The following STK17B variants were observed in gnomAD, a reference collection of about 807,000 sequenced individuals.
STK17B encodes the protein serine/threonine-protein kinase 17B.
A neutral mutation model predicts 42.0 loss-of-function variants in STK17B; 21 were observed. The observed-to-expected ratio is 0.50, with a 90% confidence interval of 0.35 to 0.72. The LOEUF is 0.72. Ranked by LOEUF, STK17B falls within the 30% of genes least tolerant of loss-of-function variation. STK17B has a pLI of 0.00. For synonymous variants in STK17B, 143 were observed against 148.4 expected, an observed-to-expected ratio of 0.96 and a Z score of 0.26; for missense variants, 349 against 446.0, an observed-to-expected ratio of 0.78 and a Z score of 1.96.
rs571438990 is a variant in STK17B at position 196,169,068 on chromosome 2, A to ATTTTTTTTTT, written c.-45+2255_-45+2264dup. Among the ~76,000 whole-genome samples the ATTTTTTTTTT allele has an allele frequency of 1.8e-5, 2 of 112,686 alleles. 1 individual carries two copies. The highest frequency in any genetic ancestry group is 6.7e-5 in the African/African-American group (2 of 29,732). 73.9% of individuals were successfully genotyped at this position (112,686 alleles called of 152,430 possible). ...TAAAAGTAGTAAGCCTAGGAATACT[A>ATTTTTTTTTT]TTTTTTTTTTTTTTTTTTTTTTTTT... On this transcript the variant is annotated intron_variant, in intron 1 of 7. Coordinates refer to ENST00000263955, the MANE Select transcript of STK17B (RefSeq NM_004226.4).
intron 3 of STK17B, among the ~76,000 whole-genome samples, chr2:196,148,735 GATT>G (rs1289939096): frequency 6.6e-6 from 1 of 152,120 alleles, no homozygotes; most frequent in African/African-American, 2.4e-5. Flanking sequence ...AATACTTTAT[GATT>G]ATTTACCAAC....
At chr2:196,175,352 G>A (rs1279222027), upstream of STK17B, among the ~76,000 whole-genome samples, 3 of 152,212 alleles carry the variant, frequency 2.0e-5, no homozygotes, top group Admixed American at 6.5e-5. Flanking sequence ...CACGCCAGGT[G>A]TGGTGGCTCA....
chr2:196,145,807 C>A, intron 4 of STK17B, 104 bp downstream of exon 4: 1 of 1,226,484 alleles, frequency 8.2e-7, no homozygotes, highest in Non-Finnish European at 1.1e-6. Flanking sequence ...TCTAGAAGAC[C>A]AGGAACCAAC....
At chr2:196,149,851 G>T (rs1057454452) in intron 3 of STK17B, among the ~76,000 whole-genome samples, 10 of 152,080 alleles carry the variant, frequency 6.6e-5, no homozygotes, top group Non-Finnish European at 1.2e-4. Flanking sequence ...TATAATCAGG[G>T]AAAGTATCCT....
In STK17B at chr2:196,136,072, GAAGTTA is replaced by G. The variant is rs1207536309; in HGVS notation, c.*1369_*1374del. The G allele has an allele frequency of 6.6e-6, 1 of 152,142 alleles. No individual in the cohort carries two copies. Among genetic ancestry groups the G allele is most frequent in the Non-Finnish European group, 1.5e-5 (1 of 68,030 alleles). 9.4% of individuals were successfully genotyped at this position (152,142 alleles called of 1,614,324 possible). A position where few individuals can be genotyped will look rare whatever the true frequency, so the allele number is the denominator to read the frequency against. On this transcript the variant is annotated 3_prime_UTR_variant, in exon 8 of 8. Transcript: ENST00000263955. ...ATTTGGAAACTTACCAAAATTTTGA[GAAGTTA>G]AAGGTCTAAAGGGGGAACATCAGGT...
Position 196,171,562 on chromosome 2 carries a change from G to C in STK17B, c.-274C>G, listed in dbSNP as rs1176429640. 1 of 152,262 alleles carries C rather than the reference G, an allele frequency of 6.6e-6. No individual in the cohort carries two copies. Among genetic ancestry groups the C allele is most frequent in the Non-Finnish European group, 1.5e-5 (1 of 68,068 alleles). The allele number at this position is 152,262 out of a possible 1,614,324, so 9.4% of individuals were successfully genotyped here. A position where few individuals can be genotyped will look rare whatever the true frequency, so the allele number is the denominator to read the frequency against. ...GACAGCAGCGGAGAGGACTACCGAA[G>C]CTTGCAGTCGCGGTTTGAAAACTGC... On this transcript the variant is annotated 5_prime_UTR_variant, in exon 1 of 8. Coordinates refer to ENST00000263955, the MANE Select transcript of STK17B (RefSeq NM_004226.4).
intron 4 of STK17B, 27 bp from the exon 5 acceptor site, chr2:196,143,713 T>C (rs755232581): frequency 2.0e-6 from 3 of 1,481,536 alleles, no homozygotes; most frequent in Non-Finnish European, 2.7e-6. Context: ...AAAAACATGA[T>C]AAGTAATATA....
intron 5 of STK17B, among the ~76,000 whole-genome samples, chr2:196,141,919 T>TA (rs71009078): frequency 3.0e-4 from 46 of 151,566 alleles, no homozygotes; most frequent in East Asian, 1.2e-3. Context: ...AGCTAGAATT[T>TA]AAAAAAAAAA....
intron 3 of STK17B, among the ~76,000 whole-genome samples, chr2:196,150,939 T>C (rs571006694): frequency 6.6e-6 from 1 of 152,342 alleles, no homozygotes; most frequent in Admixed American, 6.5e-5. Flanking sequence ...TCACAGTGCC[T>C]GCCAGAGTGT....
chr2:196,151,231 T>G (rs988874273), intron 3 of STK17B: 4 of 152,200 alleles, frequency 2.6e-5, no homozygotes, highest in Non-Finnish European at 4.4e-5. Context: ...GTTTTTGTTC[T>G]GTGTTCTCCA....
chr2:196,161,039 T>C (rs879381806), intron 2 of STK17B, among the ~76,000 whole-genome samples: 6 of 152,174 alleles, frequency 3.9e-5, no homozygotes, highest in Non-Finnish European at 7.3e-5. Flanking sequence ...ACTCATCAAA[T>C]AGTAACTCAG....
intron 1 of STK17B, among the ~76,000 whole-genome samples, chr2:196,169,031 A>T (rs1462065102): frequency 6.6e-6 from 1 of 152,096 alleles, no homozygotes; most frequent in East Asian, 1.9e-4. Context: ...AGAAGAATCA[A>T]TCAGTATCCT....
intron 3 of STK17B, among the ~76,000 whole-genome samples, chr2:196,152,105 GCC>G (rs1335636356): frequency 2.0e-5 from 2 of 97,690 alleles, no homozygotes; most frequent in African/African-American, 8.2e-5. Context: ...TCAAAAAAGT[GCC>G]TTTTTTTTTT....
rs752170351 is a variant in STK17B at position 196,137,495 on chromosome 2, A to G, written c.1071T>C (p.Asp357=). 1.1e-5 allele frequency: 17 copies of G among 1,614,042 alleles called. No homozygotes were observed. The highest frequency in any genetic ancestry group is 1.7e-5 in the Admixed American group (1 of 60,012). The part of the protein sequence containing the change: ...SSMVSKRFRF[D]DSLPNPHELV... ...GTTCATGGGGATTGGGTAATGAGTCATCGAAACGAAATCTTTTGGAAACCA... is the reference window on the plus strand; with the variant it reads ...GTTCATGGGGATTGGGTAATGAGTCGTCGAAACGAAATCTTTTGGAAACCA... The change falls in exon 8 of 8, where the codon GAT becomes GAC. Residue 357 remains aspartate, a synonymous_variant. Coordinates refer to ENST00000263955, the MANE Select transcript of STK17B (RefSeq NM_004226.4).
intron 3 of STK17B, among the ~76,000 whole-genome samples, chr2:196,152,360 G>A (rs186823509): frequency 2.0e-5 from 3 of 152,170 alleles, no homozygotes; most frequent in East Asian, 3.9e-4. Flanking sequence ...TCCTGCCCTG[G>A]CCTCCCAAAG....
rs530924829 is a variant in STK17B at position 196,144,013 on chromosome 2, C to T, written c.481-327G>A. The stretch of plus-strand genomic sequence containing the variant: ...CTTTGCAGTAGAGATGATGCGTAAG[C>T]TGAGACTTAAAAGAGTATGCTGGTT... On this transcript the variant is annotated intron_variant, in intron 4 of 7. Transcript: ENST00000263955. Among the ~76,000 whole-genome samples, 3 of 86,348 alleles carry T rather than the reference C, an allele frequency of 3.5e-5. No individual in the cohort carries two copies. In the East Asian group the frequency reaches 3.2e-3, roughly 93 times the overall value. The allele number at this position is 86,348 out of a possible 152,430, so 56.6% of individuals were successfully genotyped here. A position where few individuals can be genotyped will look rare whatever the true frequency, so the allele number is the denominator to read the frequency against.
In STK17B at chr2:196,135,118, C is replaced by T. The variant is rs1363201442; in HGVS notation, c.*2329G>A. 1 of 152,112 alleles carries T rather than the reference C, an allele frequency of 6.6e-6. No homozygotes were observed. Among genetic ancestry groups the T allele is most frequent in the African/African-American group, 2.4e-5 (1 of 41,430 alleles). The allele number at this position is 152,112 out of a possible 1,614,324, so 9.4% of individuals were successfully genotyped here. On this transcript the variant is annotated 3_prime_UTR_variant, in exon 8 of 8. Transcript: ENST00000263955. ...TGTAAAGTATTTTAAGATTTTCAGA[C>T]ATTTGTAAAAATGTCTTTTAACAAA...
intron 3 of STK17B, among the ~76,000 whole-genome samples, chr2:196,152,009 C>T (rs1236782466): frequency 2.0e-5 from 3 of 150,664 alleles, no homozygotes; most frequent in African/African-American, 4.9e-5. Context: ...TAGGTAGAGG[C>T]AAAACAAAAC....
At chr2:196,147,347 T>C (rs1344860616) in intron 3 of STK17B, among the ~76,000 whole-genome samples, 1 of 152,112 alleles carries the variant, frequency 6.6e-6, no homozygotes, top group Non-Finnish European at 1.5e-5. Context: ...GTTTGTTGAA[T>C]GAATGAATGA....
Sources: allele counts gnomAD v4.1 joint callset (sites outside exome capture counted in the v4.1 genomes callset), GRCh38; gene constraint gnomAD v4.1.1; transcripts MANE v1.5; gene names NCBI Gene and HGNC (gene_info 2026-07-23, HGNC 2026-07-21).